TMED3: variants seen among roughly 807,000 people sequenced by gnomAD.
TMED3 encodes the protein transmembrane p24 trafficking protein 3.
In TMED3, 9 loss-of-function variants were observed where a neutral mutation model predicts 15.0. That is an observed-to-expected ratio of 0.60 (90% CI 0.36 to 1.04). The LOEUF is 1.04. TMED3 is among the 50% of genes least tolerant of loss of function. The pLI, the probability that TMED3 is intolerant of heterozygous loss-of-function variation, is 0.01. For synonymous variants in TMED3, 117 were observed against 121.4 expected (o/e 0.96, Z 0.24); for missense variants, 267 against 278.9 (o/e 0.96, Z 0.30).
intron 2 of TMED3, chr15:79,383,157 T>G: frequency 5.1e-6 from 4 of 785,852 alleles, no homozygotes; most frequent in Non-Finnish European, 8.5e-6. Flanking sequence ...CCTTGTCCAC[T>G]CTCACCTGCA....
chr15:79,348,307 T>C (rs1432409736), intron 2 of TMED3, among the ~76,000 whole-genome samples: 2 of 152,176 alleles, frequency 1.3e-5, no homozygotes, highest in Non-Finnish European at 1.5e-5. Context: ...TGAAAACATA[T>C]ATACTTTTTA....
At chr15:79,311,812 A>G (rs764905189) in intron 1 of TMED3, among the ~76,000 whole-genome samples, 1 of 152,284 alleles carries the variant, frequency 6.6e-6, no homozygotes, top group Non-Finnish European at 1.5e-5. Flanking sequence ...GAGTACTGAA[A>G]AATGGCAGCA....
At chr15:79,324,333 G>A (rs1156670281), downstream of TMED3, among the ~76,000 whole-genome samples, 1 of 152,194 alleles carries the variant, frequency 6.6e-6, no homozygotes, top group African/African-American at 2.4e-5. Context: ...CAGTTAAACA[G>A]CATATGAAAC....
intron 2 of TMED3, among the ~76,000 whole-genome samples, chr15:79,401,675 G>A (rs79805602): frequency 6.6e-6 from 1 of 152,260 alleles, no homozygotes; most frequent in East Asian, 1.9e-4. Context: ...AGTGACATGG[G>A]GTAGTGCGAA....
At chr15:79,327,183 A>C (rs1467791113), downstream of TMED3, among the ~76,000 whole-genome samples, 2 of 152,150 alleles carry the variant, frequency 1.3e-5, no homozygotes, top group African/African-American at 4.8e-5. Flanking sequence ...TTTTAATATG[A>C]GGTTGGCAGG....
Position 79,322,372 on chromosome 15 carries a change from C to G in TMED3, c.*158C>G. 3 of 1,452,106 alleles carry G rather than the reference C, an allele frequency of 2.1e-6. No individual in the cohort carries two copies. Among genetic ancestry groups the G allele is most frequent in the Non-Finnish European group, 1.8e-6 (2 of 1,106,886 alleles). The allele number at this position is 1,452,106 out of a possible 1,614,324, so 90.0% of individuals were successfully genotyped here. On this transcript the variant is annotated 3_prime_UTR_variant, in exon 3 of 3. Coordinates refer to ENST00000299705, the MANE Select transcript of TMED3 (RefSeq NM_007364.4). The stretch of plus-strand genomic sequence containing the variant: ...ATGCCCATGCTTGATTCTTGCACCT[C>G]AGCAGCTGAAGGTCTCAGAGACCAG...
intron 2 of TMED3, among the ~76,000 whole-genome samples, chr15:79,395,598 C>T (rs534097862): frequency 6.6e-6 from 1 of 152,288 alleles, no homozygotes; most frequent in Admixed American, 6.5e-5. Flanking sequence ...CATTGAGATA[C>T]TTATGCTATT....
chr15:79,322,955 G>GAA, downstream of TMED3: 4 of 951,968 alleles, frequency 4.2e-6, no homozygotes, highest in Non-Finnish European at 5.0e-6. Flanking sequence ...GAGGTGCATG[G>GAA]GGTGCTGTGC....
chr15:79,390,684 C>T (rs1893684776), intron 2 of TMED3, among the ~76,000 whole-genome samples: 1 of 151,876 alleles, frequency 6.6e-6, no homozygotes, highest in Admixed American at 6.6e-5. Context: ...CTTTGAATGT[C>T]TGGTAGAATT....
At chr15:79,363,783 C>G (rs544825279) in intron 2 of TMED3, among the ~76,000 whole-genome samples, 1 of 152,248 alleles carries the variant, frequency 6.6e-6, no homozygotes, top group Admixed American at 6.5e-5. Context: ...CCAAACCGAA[C>G]TTGGGTCCAC....
intron 2 of TMED3, among the ~76,000 whole-genome samples, chr15:79,353,660 T>A (rs1266823754): frequency 6.6e-6 from 1 of 151,264 alleles, no homozygotes; most frequent in Non-Finnish European, 1.5e-5. Flanking sequence ...CACCATGATT[T>A]TTTTCTCGAT....
intron 2 of TMED3, among the ~76,000 whole-genome samples, chr15:79,387,594 GCACACACACA>G (rs60358297): frequency 6.7e-6 from 1 of 149,304 alleles, no homozygotes; most frequent in South Asian, 2.1e-4. Flanking sequence ...ACATGCACCT[GCACACACACA>G]CACACACACA....
rs529205837 is a variant in TMED3, at chr15:79,380,442, A to C, written c.418-30958A>C. 3.1e-4 allele frequency among the ~76,000 whole-genome samples: 46 copies of C among 147,580 alleles called. 2 individuals are homozygous for C. The South Asian group carries it at 8.0e-3, about 26-fold the overall frequency. ...TATATATAGTTATATATATAGTTAT[A>C]TATAGTTATATATGTTATATATGGT... On this transcript the variant is annotated intron_variant, in intron 2 of 2. Coordinates refer to the TMED3 transcript ENST00000424155.
rs774406807 is a variant in TMED3 at position 79,313,915 on chromosome 15, C to G, written c.327C>G (p.Phe109Leu). ...QFCFSNEFST[F>L]SHKTVYFDFQ... Reference sequence around the variant, plus strand: ...GCTTCAGTAATGAGTTTTCCACCTTCTCTCACAAGACCGTCTACTTTGACT... The same window carrying G: ...GCTTCAGTAATGAGTTTTCCACCTTGTCTCACAAGACCGTCTACTTTGACT... Residue 109 changes from phenylalanine to leucine, a missense_variant, in exon 2 of 3, where the codon TTC (phenylalanine) becomes TTG (leucine). Physicochemically the swap from Phe to Leu is conservative, Grantham distance 22 (BLOSUM62 0). Transcript: ENST00000299705. 8 of 1,614,118 alleles carry G rather than the reference C, an allele frequency of 5.0e-6. No individual in the cohort carries two copies. The highest frequency in any genetic ancestry group is 6.8e-6 in the Non-Finnish European group (8 of 1,180,048).
At chr15:79,332,140 T>C (rs1209213140) in intron 2 of TMED3, among the ~76,000 whole-genome samples, 7 of 152,240 alleles carry the variant, frequency 4.6e-5, no homozygotes, top group Admixed American at 4.6e-4. Flanking sequence ...GCAATAGCCG[T>C]AGCATCTGAC....
chr15:79,368,649 CTG>C (rs1567034249), intron 2 of TMED3, among the ~76,000 whole-genome samples: 1 of 152,108 alleles, frequency 6.6e-6, no homozygotes, highest in African/African-American at 2.4e-5. Flanking sequence ...GAGGCCAAAA[CTG>C]TAATTGGTAA....
At chr15:79,382,992 A>C in intron 2 of TMED3, 1 of 1,535,470 alleles carries the variant, frequency 6.5e-7, no homozygotes, top group Non-Finnish European at 8.7e-7. Flanking sequence ...ACCAACACCA[A>C]CGCCACCACT....
At chr15:79,327,702 T>C (rs2058792383), downstream of TMED3, among the ~76,000 whole-genome samples, 1 of 152,022 alleles carries the variant, frequency 6.6e-6, no homozygotes, top group Admixed American at 6.5e-5. Context: ...TCTGGGAGAG[T>C]CTGACCATCT....
At chr15:79,328,078 C>T (rs12915642) in intron 2 of TMED3, among the ~76,000 whole-genome samples, 86,640 of 152,036 alleles carry the variant, frequency 0.57, 24,941 homozygotes, top group Middle Eastern at 0.69. Context: ...TCTGCTCAAG[C>T]TCTCTAGTGA....
Sources: allele counts gnomAD v4.1 joint callset (sites outside exome capture counted in the v4.1 genomes callset), GRCh38; gene constraint gnomAD v4.1.1; transcripts MANE v1.5; gene names NCBI Gene and HGNC (gene_info 2026-07-23, HGNC 2026-07-21).